Variants in SEMA5A observed in about 807,000 individuals in gnomAD.
The protein encoded by SEMA5A is semaphorin 5A, also known as semaphorin-5A.
SEMA5A carries 55 observed loss-of-function variants against 135.5 expected under a neutral mutation model. That is an observed-to-expected ratio of 0.41 (90% CI 0.33 to 0.51). The LOEUF is 0.51. Ranked by LOEUF, SEMA5A falls within the 20% of genes least tolerant of loss-of-function variation. The pLI is 0.37. For synonymous variants in SEMA5A, 580 were observed against 546.5 expected (o/e 1.06, Z -0.85); for missense variants, 1,290 against 1,419.9 (o/e 0.91, Z 1.47).
chr5:9,193,008 G>A (rs552646122), intron 10 of SEMA5A, among the ~76,000 whole-genome samples: 43 of 152,232 alleles, frequency 2.8e-4, no homozygotes, highest in East Asian at 1.2e-3. Flanking sequence ...CACTCGCTAC[G>A]CCTTGTCATC....
chr5:9,118,063 T>C (rs950851906), intron 15 of SEMA5A, among the ~76,000 whole-genome samples: 1 of 152,248 alleles, frequency 6.6e-6, no homozygotes, highest in African/African-American at 2.4e-5. Context: ...ACAGTAAGTC[T>C]GTTGGTTCTG....
chr5:9,267,600 C>A (rs1749750810), intron 5 of SEMA5A, among the ~76,000 whole-genome samples: 1 of 152,150 alleles, frequency 6.6e-6, no homozygotes, highest in Non-Finnish European at 1.5e-5. Context: ...AGAGAGTATT[C>A]CTTCTCTCAT....
chr5:9,462,075 A>G (rs1759077909), intron 1 of SEMA5A, among the ~76,000 whole-genome samples: 1 of 152,174 alleles, frequency 6.6e-6, no homozygotes, highest in African/African-American at 2.4e-5. Flanking sequence ...AAAGACTTCA[A>G]TCCCAAGACT....
intron 5 of SEMA5A, among the ~76,000 whole-genome samples, chr5:9,240,371 T>C (rs1748129756): frequency 6.6e-6 from 1 of 152,028 alleles, no homozygotes; most frequent in Non-Finnish European, 1.5e-5. Context: ...GGAACTTTAC[T>C]TATTCCAGAA....
intron 1 of SEMA5A, among the ~76,000 whole-genome samples, chr5:9,463,605 T>C (rs115772623): frequency 0.015 from 2,259 of 152,286 alleles, 59 homozygotes; most frequent in African/African-American, 0.052. Flanking sequence ...GATACTCTCA[T>C]TTTGCTGCAA....
At chr5:9,182,296 C>T (rs986875207) in intron 11 of SEMA5A, among the ~76,000 whole-genome samples, 3 of 152,022 alleles carry the variant, frequency 2.0e-5, no homozygotes, top group East Asian at 1.9e-4. Context: ...ACTGTCCAAA[C>T]CAAAAACATC....
At chr5:9,362,625 A>G (rs558546782) in intron 3 of SEMA5A, among the ~76,000 whole-genome samples, 1 of 152,146 alleles carries the variant, frequency 6.6e-6, no homozygotes, top group Non-Finnish European at 1.5e-5. Context: ...TATAATTTAA[A>G]CTACTATTTA....
At chr5:9,275,098 GAA>G (rs1750186031) in intron 5 of SEMA5A, among the ~76,000 whole-genome samples, 1 of 151,550 alleles carries the variant, frequency 6.6e-6, no homozygotes, top group South Asian at 2.1e-4. Context: ...GACTAATAAA[GAA>G]AAAAAGAGAG....
intron 11 of SEMA5A, among the ~76,000 whole-genome samples, chr5:9,157,343 T>G (rs748161024): frequency 6.6e-6 from 1 of 152,226 alleles, no homozygotes; most frequent in Non-Finnish European, 1.5e-5. Flanking sequence ...AAGCTGAATG[T>G]TGGCTCTGTA....
At chr5:9,516,248 G>A (rs548508857) in intron 1 of SEMA5A, among the ~76,000 whole-genome samples, 218 of 151,852 alleles carry the variant, frequency 1.4e-3, no homozygotes, top group African/African-American at 5.0e-3. Flanking sequence ...ACACAGATAC[G>A]CAAACACCAC....
At chr5:9,192,973 C>T (rs1745196139) in intron 10 of SEMA5A, among the ~76,000 whole-genome samples, 1 of 152,118 alleles carries the variant, frequency 6.6e-6, no homozygotes, top group African/African-American at 2.4e-5. Flanking sequence ...ACAGGGAGTT[C>T]TCGGTGGCAG....
intron 1 of SEMA5A, among the ~76,000 whole-genome samples, chr5:9,495,320 C>A (rs910033908): frequency 6.6e-6 from 1 of 152,090 alleles, no homozygotes; most frequent in African/African-American, 2.4e-5. Flanking sequence ...AATTCAAGAG[C>A]TACCGTGAAG....
intron 2 of SEMA5A, among the ~76,000 whole-genome samples, chr5:9,400,170 C>T (rs191329433): frequency 5.1e-4 from 77 of 152,018 alleles, no homozygotes; most frequent in African/African-American, 1.4e-3. Flanking sequence ...GGGTTGGAGG[C>T]GAAGTGAGGG....
chr5:9,169,622 A>T (rs1186444163), intron 11 of SEMA5A, among the ~76,000 whole-genome samples: 1 of 152,156 alleles, frequency 6.6e-6, no homozygotes, highest in Non-Finnish European at 1.5e-5. Flanking sequence ...GCTCTTGAAC[A>T]AATAAAACCC....
chr5:9,091,052 G>A (rs253634), intron 16 of SEMA5A, among the ~76,000 whole-genome samples: 65,112 of 151,894 alleles, frequency 0.43, 15,082 homozygotes, highest in African/African-American at 0.59. Flanking sequence ...AGTTAATTCA[G>A]ATTCCTCTCA....
At chr5:9,444,673 T>C (rs191344062) in intron 1 of SEMA5A, among the ~76,000 whole-genome samples, 164 of 152,364 alleles carry the variant, frequency 1.1e-3, no homozygotes, top group African/African-American at 3.7e-3. Flanking sequence ...ATCTTTTTCA[T>C]ATAATGACTT....
intron 1 of SEMA5A, among the ~76,000 whole-genome samples, chr5:9,497,187 T>C (rs1470043106): frequency 1.3e-5 from 2 of 152,172 alleles, no homozygotes; most frequent in Non-Finnish European, 2.9e-5. Flanking sequence ...GCTAAGGAGA[T>C]AATCAGCTGA....
At chr5:9,348,215 T>A (rs573057515) in intron 3 of SEMA5A, among the ~76,000 whole-genome samples, 2 of 152,200 alleles carry the variant, frequency 1.3e-5, no homozygotes, top group South Asian at 4.1e-4. Context: ...ACTTTCAAGA[T>A]CTTGGTAAAT....
At chr5:9,222,717 ACT>A (rs1043285218) in intron 8 of SEMA5A, among the ~76,000 whole-genome samples, 6 of 152,214 alleles carry the variant, frequency 3.9e-5, no homozygotes, top group African/African-American at 1.2e-4. Flanking sequence ...TGTGATAAAC[ACT>A]GTTTTAGCTC....
Sources: allele counts gnomAD v4.1 joint callset (sites outside exome capture counted in the v4.1 genomes callset), GRCh38; gene constraint gnomAD v4.1.1; transcripts MANE v1.5; gene names NCBI Gene and HGNC (gene_info 2026-07-23, HGNC 2026-07-21).